GPM6A: variants seen among roughly 807,000 people sequenced by gnomAD.
GPM6A encodes the protein neuronal membrane glycoprotein M6-a.
GPM6A carries 7 observed loss-of-function variants against 32.1 expected under a neutral mutation model. The observed-to-expected ratio is 0.22, with a 90% confidence interval of 0.12 to 0.41. The LOEUF (loss-of-function observed/expected upper bound fraction) is 0.41. Among genes scored for constraint, GPM6A ranks in the 10% least tolerant of loss-of-function variants. The probability of loss-of-function intolerance (pLI) is 1.00; values close to 1 mark genes in which losing one functional copy is unlikely to be tolerated. For missense variants in GPM6A, 235 were observed against 347.2 expected (o/e 0.68, Z 2.57); for synonymous variants, 130 against 123.4 (o/e 1.05, Z -0.35).
chr4:175,831,654 T>A (rs966137208), intron 1 of GPM6A, among the ~76,000 whole-genome samples: 3 of 149,798 alleles, frequency 2.0e-5, no homozygotes, highest in African/African-American at 7.4e-5. Context: ...TCAGTTCATT[T>A]CCCCAATATT....
intron 3 of GPM6A, among the ~76,000 whole-genome samples, chr4:175,657,663 G>A (rs764031947): frequency 3.3e-4 from 50 of 152,082 alleles, no homozygotes; most frequent in Non-Finnish European, 3.1e-4. Flanking sequence ...ATCTAAATCC[G>A]AGTGTCTCGA....
intron 1 of GPM6A, among the ~76,000 whole-genome samples, chr4:175,866,465 T>C (rs968765607): frequency 2.0e-5 from 3 of 152,208 alleles, no homozygotes; most frequent in African/African-American, 7.2e-5. Flanking sequence ...AAGATATTTT[T>C]ACTATCACCA....
intron 1 of GPM6A, among the ~76,000 whole-genome samples, chr4:175,710,143 T>C (rs1167170796): frequency 6.6e-6 from 1 of 152,196 alleles, no homozygotes; most frequent in African/African-American, 2.4e-5. Flanking sequence ...ATTATTCTTT[T>C]CAAATAAGCT....
intron 1 of GPM6A, among the ~76,000 whole-genome samples, chr4:175,801,943 T>C (rs536275685): frequency 2.0e-5 from 3 of 152,216 alleles, no homozygotes; most frequent in African/African-American, 7.2e-5. Context: ...AAGAACCACA[T>C]GTATCATAAA....
At chr4:175,790,224 C>A (rs1733959087) in intron 1 of GPM6A, 1 of 151,998 alleles carries the variant, frequency 6.6e-6, no homozygotes, top group Admixed American at 6.6e-5. Flanking sequence ...TCTGAGAAGC[C>A]CAGGTTCCCA....
Position 175,959,432 on chromosome 4 carries a change from G to GCA in GPM6A, c.-23+42875_-23+42876dup, listed in dbSNP as rs138172319. ...ATCCTGAATACACACGTACACACAT[G>GCA]CACACACACACACACACACCCCACA... On this transcript the variant is annotated intron_variant, in intron 1 of 7. Transcript: ENST00000280187. Among the ~76,000 whole-genome samples, 842 of 148,968 alleles carry GCA rather than the reference G, an allele frequency of 5.7e-3. 8 individuals carry two copies. Among genetic ancestry groups the GCA allele is most frequent in the Middle Eastern group, 0.024 (7 of 286 alleles).
chr4:175,863,094 A>T (rs1308270588), intron 1 of GPM6A, among the ~76,000 whole-genome samples: 1 of 152,120 alleles, frequency 6.6e-6, no homozygotes, highest in Admixed American at 6.6e-5. Context: ...AGGTTAATTG[A>T]AATACAATAA....
intron 1 of GPM6A, among the ~76,000 whole-genome samples, chr4:175,876,536 T>A (rs1243495141): frequency 2.0e-5 from 3 of 152,212 alleles, no homozygotes; most frequent in Non-Finnish European, 2.9e-5. Context: ...TTCTGGAAGC[T>A]GTCTTTTGAG....
At chr4:175,968,230 G>A (rs1246202037) in intron 1 of GPM6A, among the ~76,000 whole-genome samples, 3 of 150,412 alleles carry the variant, frequency 2.0e-5, no homozygotes, top group African/African-American at 7.3e-5. Flanking sequence ...GGCAAAAAAA[G>A]AACGAATACA....
intron 1 of GPM6A, among the ~76,000 whole-genome samples, chr4:175,950,452 G>GAATTATTTAAAGT: frequency 6.6e-6 from 1 of 152,100 alleles, no homozygotes; most frequent in South Asian, 2.1e-4. Flanking sequence ...TATAATACTT[G>GAATTATTTAAAGT]TGAATTATTT....
intron 1 of GPM6A, among the ~76,000 whole-genome samples, chr4:175,999,932 A>G (rs559743996): frequency 2.3e-4 from 35 of 152,234 alleles, no homozygotes; most frequent in Non-Finnish European, 4.7e-4. Flanking sequence ...AAATTAAAAG[A>G]AAGAGGAGAG....
chr4:175,757,894 A>G (rs1379981283), intron 1 of GPM6A, among the ~76,000 whole-genome samples: 2 of 152,232 alleles, frequency 1.3e-5, no homozygotes, highest in African/African-American at 2.4e-5. Context: ...GTTTGAACAG[A>G]TTAGCCAAGA....
intron 2 of GPM6A, among the ~76,000 whole-genome samples, chr4:175,693,952 T>A (rs922622094): frequency 9.9e-5 from 15 of 152,154 alleles, no homozygotes; most frequent in Middle Eastern, 3.4e-3. Flanking sequence ...TACGGTGAGA[T>A]GTGGTTGTTG....
At chr4:175,702,488 G>T (rs1273652877) in intron 1 of GPM6A, among the ~76,000 whole-genome samples, 2 of 152,132 alleles carry the variant, frequency 1.3e-5, no homozygotes, top group Non-Finnish European at 2.9e-5. Context: ...AAGCCTGTTA[G>T]TATGTTGTGA....
intron 6 of GPM6A, among the ~76,000 whole-genome samples, chr4:175,637,882 A>G (rs997730547): frequency 5.1e-5 from 6 of 117,850 alleles, no homozygotes; most frequent in Non-Finnish European, 9.6e-5. Context: ...TAATATTTAT[A>G]TATTATATAT....
At chr4:175,818,116 G>C (rs932321497) in intron 1 of GPM6A, among the ~76,000 whole-genome samples, 2 of 152,208 alleles carry the variant, frequency 1.3e-5, no homozygotes, top group African/African-American at 4.8e-5. Flanking sequence ...ACTGGTGAAT[G>C]CTTTTCCAGT....
intron 1 of GPM6A, among the ~76,000 whole-genome samples, chr4:175,863,836 T>C (rs1401394651): frequency 6.6e-6 from 1 of 151,948 alleles, no homozygotes; most frequent in African/African-American, 2.4e-5. Flanking sequence ...ACCCTGTCTC[T>C]AGAGAAAATA....
In GPM6A at chr4:175,665,552, G is replaced by A. The variant is rs1272887769; in HGVS notation, c.387+8128C>T. Among the ~76,000 whole-genome samples the A allele has an allele frequency of 3.3e-5, 5 of 152,014 alleles. 1 individual carries two copies. Among genetic ancestry groups the A allele is most frequent in the South Asian group, 4.2e-4 (2 of 4,816 alleles). ...TCCCAGCACTTTGGGAGACTGAGGC[G>A]GGCGGATCACCTGAGGGCAGGAGGT... On this transcript the variant is annotated intron_variant, in intron 3 of 6. Coordinates refer to ENST00000393658, the MANE Select transcript of GPM6A (RefSeq NM_201591.3).
At chr4:175,741,227 C>T (rs1443380632) in intron 1 of GPM6A, among the ~76,000 whole-genome samples, 1 of 151,954 alleles carries the variant, frequency 6.6e-6, no homozygotes. Context: ...TGAAATGTTT[C>T]CCTTTTCTCT....
Sources: allele counts gnomAD v4.1 joint callset (sites outside exome capture counted in the v4.1 genomes callset), GRCh38; gene constraint gnomAD v4.1.1; transcripts MANE v1.5; gene names NCBI Gene and HGNC (gene_info 2026-07-23, HGNC 2026-07-21).